The following RC3H2 variants were observed in gnomAD, a reference collection of about 807,000 sequenced individuals.
RC3H2 encodes the protein ring finger and CCCH-type domains 2.
RC3H2 carries 31 observed loss-of-function variants against 133.3 expected under a neutral mutation model. The ratio of observed to expected loss-of-function variants is 0.23; its 90% CI spans 0.17 to 0.31. RC3H2 has a LOEUF of 0.31. Among genes scored for constraint, RC3H2 ranks in the 10% least tolerant of loss-of-function variants. The pLI, the probability that RC3H2 is intolerant of heterozygous loss-of-function variation, is 1.00. For synonymous variants in RC3H2, 517 were observed against 502.2 expected, an observed-to-expected ratio of 1.03 and a Z score of -0.40; for missense variants, 1,175 against 1,437.2, an observed-to-expected ratio of 0.82 and a Z score of 2.95.
At chr9:122,889,182 TATA>T (rs1417102821) in intron 4 of RC3H2, among the ~76,000 whole-genome samples, 7 of 152,186 alleles carry the variant, frequency 4.6e-5, no homozygotes, top group African/African-American at 1.7e-4. Context: ...TTCATTTGCT[TATA>T]ATTTTTTTGT....
Position 122,897,511 on chromosome 9 carries a change from G to A in RC3H2, c.-2C>T, listed in dbSNP as rs768480008. The A allele has an allele frequency of 1.3e-5, 21 of 1,611,766 alleles. No homozygotes were observed. The South Asian group carries it at 2.3e-4, about 18-fold the overall frequency. ...CCATTGAGCTGCCTGCACAGGCATT[G>A]TGGAAGCTGGATGCTCGGGTTAGCA... On this transcript the variant is annotated 5_prime_UTR_variant, in exon 2 of 21. Coordinates refer to ENST00000357244, the MANE Select transcript of RC3H2 (RefSeq NM_001100588.3).
At chr9:122,900,358 C>T (rs1311194217) in intron 1 of RC3H2, among the ~76,000 whole-genome samples, 1 of 152,018 alleles carries the variant, frequency 6.6e-6, no homozygotes, top group African/African-American at 2.4e-5. Context: ...ATGTAAGAAA[C>T]GCTTTGATTT....
In RC3H2 at chr9:122,851,147, A is replaced by T; in HGVS notation, c.3314T>A (p.Val1105Glu). Residue 1105 changes from valine (V) to glutamate (E), a missense_variant, in exon 20 of 21, where the codon GTA becomes GAA. Transcript: ENST00000357244. Reference protein sequence around the residue: ...NGMAVENGHPVQQHQKEPPKQ... With the variant: ...NGMAVENGHPEQQHQKEPPKQ... ...TGGTGGCTCCTTTTGGTGCTGCTGT[A>T]CTGGATGCCCATTTTCCACTGCCAT... is the stretch of plus-strand genomic sequence containing the variant. 1.9e-6 allele frequency: 3 copies of T among 1,614,174 alleles called. No homozygotes were observed. Among genetic ancestry groups the T allele is most frequent in the Non-Finnish European group, 2.5e-6 (3 of 1,180,020 alleles).
intron 10 of RC3H2, among the ~76,000 whole-genome samples, chr9:122,863,424 T>C (rs372048548): frequency 2.8e-4 from 42 of 152,308 alleles, no homozygotes; most frequent in African/African-American, 9.6e-4. Context: ...AGCCTTCAGA[T>C]CTAAAAGACT....
chr9:122,868,873 G>A (rs866375172), intron 9 of RC3H2, among the ~76,000 whole-genome samples: 3 of 22,884 alleles, frequency 1.3e-4, no homozygotes, highest in East Asian at 4.3e-4. Flanking sequence ...GTGTGTGTGT[G>A]TGTGTGTGTG....
chr9:122,861,886 A>G (rs1830470299), intron 10 of RC3H2, among the ~76,000 whole-genome samples: 1 of 152,234 alleles, frequency 6.6e-6, no homozygotes, highest in South Asian at 2.1e-4. Flanking sequence ...GTAAGGGTTT[A>G]GAGTATAAAG....
At chr9:122,887,099 C>T (rs1456486903) in intron 4 of RC3H2, among the ~76,000 whole-genome samples, 1 of 152,148 alleles carries the variant, frequency 6.6e-6, no homozygotes, top group Admixed American at 6.5e-5. Flanking sequence ...TCCCCAGTAA[C>T]CTCTCGTCTA....
intron 9 of RC3H2, chr9:122,875,290 G>A: frequency 6.4e-7 from 1 of 1,550,628 alleles, no homozygotes; most frequent in Non-Finnish European, 8.7e-7. Context: ...GCTGCTTGTA[G>A]AGCTCATTAT....
At chr9:122,868,397 A>G (rs1448100687) in intron 9 of RC3H2, among the ~76,000 whole-genome samples, 2 of 152,110 alleles carry the variant, frequency 1.3e-5, no homozygotes, top group East Asian at 1.9e-4. Context: ...TTCTGTACTA[A>G]GAAAAATTCT....
At position 122,858,829 on chromosome 9, in the gene RC3H2, C is replaced by T. The variant is rs1260024004; in HGVS notation, c.2123G>A (p.Arg708Gln). 9 of 1,614,162 alleles carry T rather than the reference C, an allele frequency of 5.6e-6. No individual in the cohort carries two copies. Among genetic ancestry groups the T allele is most frequent in the East Asian group, 2.2e-5 (1 of 44,906 alleles). The change falls in exon 12 of 21, where the codon CGA (arginine) becomes CAA (glutamine). Residue 708 changes from arginine to glutamine, a missense_variant. Physicochemically the swap from Arg to Gln is conservative, Grantham distance 43 (BLOSUM62 1). This residue lies in a region of RC3H2 where 490 missense variants were observed against 492.8 expected (regional missense o/e 0.99). Transcript: ENST00000357244. ...RRIWRPPMYQ[R>Q]DDIIRSNSLP... ...AGAATTGCTTCTAATAATGTCATCT[C>T]GTTGGTACATAGGTGGGCGCCAGAT...
At chr9:122,891,676 C>T (rs377429026) in intron 3 of RC3H2, among the ~76,000 whole-genome samples, 1 of 152,204 alleles carries the variant, frequency 6.6e-6, no homozygotes, top group Non-Finnish European at 1.5e-5. Context: ...TCTCAGTCCA[C>T]GCTCTTTAGA....
At chr9:122,875,028 C>A in intron 9 of RC3H2, 1 of 832,848 alleles carries the variant, frequency 1.2e-6, no homozygotes, top group Non-Finnish European at 1.7e-6. Flanking sequence ...TTCTCAAAAG[C>A]TCCCCTTTTA....
At chr9:122,883,486 T>A in intron 4 of RC3H2, 107 bp from the exon 5 acceptor site, 1 of 709,162 alleles carries the variant, frequency 1.4e-6, no homozygotes, top group Admixed American at 3.4e-5. Context: ...CCATTACCCA[T>A]AATTTATATT....
chr9:122,851,614 A>G lies in RC3H2; in HGVS notation c.3118-178T>C, dbSNP rs541873956. ...CCTCCCTGCCTGATTCTCCTGCCTC[A>G]GCCTGCAGAGTGCCTGCAATTGCAG... On this transcript the variant is annotated intron_variant, in intron 18 of 20. Coordinates refer to ENST00000357244, the MANE Select transcript of RC3H2 (RefSeq NM_001100588.3). 2.4e-4 allele frequency: 196 copies of G among 804,496 alleles called. 1 individual carries two copies. Among genetic ancestry groups the G allele is most frequent in the Middle Eastern group, 2.3e-3 (6 of 2,568 alleles). The allele number at this position is 804,496 out of a possible 1,614,324, so 49.8% of individuals were successfully genotyped here.
chr9:122,852,983 G>A (rs953055210), intron 18 of RC3H2, among the ~76,000 whole-genome samples: 43 of 152,196 alleles, frequency 2.8e-4, no homozygotes, highest in Admixed American at 1.4e-3. Context: ...GATGGTAGCC[G>A]TGTCTGTGTA....
rs781587985 is a variant in RC3H2, at chr9:122,892,974, T to C, written c.284A>G (p.Tyr95Cys). The C allele has an allele frequency of 6.2e-7, 1 of 1,612,270 alleles. No homozygotes were observed. The highest frequency in any genetic ancestry group is 8.5e-7 in the Non-Finnish European group (1 of 1,179,862). Residue 95 changes from tyrosine to cysteine, a missense_variant, in exon 3 of 21, where the codon TAT (tyrosine) becomes TGT (cysteine). This residue lies in a region of RC3H2 where 30 missense variants were observed against 25.2 expected (regional missense o/e 1.19). Transcript: ENST00000357244. ...CTCAACGCATTTCTTTGCAACCTCA[T>C]AGTGTTTATTCTCACCTAGATTACT... ...KLSNLGENKH[Y>C]EVAKKCVEDL...
intron 18 of RC3H2, among the ~76,000 whole-genome samples, chr9:122,852,647 A>C (rs1257938551): frequency 1.5e-5 from 2 of 129,194 alleles, no homozygotes; most frequent in African/African-American, 6.0e-5. Context: ...GTCAGCTCCC[A>C]ACCCGGCCAG....
In RC3H2 at chr9:122,905,335, A is replaced by C. The variant is rs1292830149; in HGVS notation, c.-293T>G. On this transcript the variant is annotated 5_prime_UTR_variant, in exon 1 of 21. Transcript: ENST00000357244. ...CCGCCTCCTCCTCCTCCTCCTCCTC[A>C]CCACGGAGGCGGACCTGGAGGGATC... The C allele has an allele frequency of 5.3e-6, 5 of 948,158 alleles. No individual in the cohort carries two copies. The highest frequency in any genetic ancestry group is 3.6e-5 in the African/African-American group (2 of 56,138). The allele number at this position is 948,158 out of a possible 1,614,324, so 58.7% of individuals were successfully genotyped here.
rs972868366 is a variant in RC3H2 at position 122,861,793 on chromosome 9, C to T, written c.1635-1662G>A. On this transcript the variant is annotated intron_variant, in intron 10 of 20. Transcript: ENST00000357244. ...TTAAGTTTATCACAGATTAGTCTAG[C>T]AGATGTTTACTTCTATGTGTAACTG... Among the ~76,000 whole-genome samples the T allele has an allele frequency of 3.9e-5, 6 of 152,194 alleles. No individual in the cohort carries two copies. In the East Asian group the frequency reaches 1.2e-3, roughly 29 times the overall value.
Sources: gnomAD v4.1 joint callset for allele counts (sites outside exome capture counted in the v4.1 genomes callset) on GRCh38, gnomAD v4.1.1 for gene constraint, gnomAD v4.1.1 regional missense constraint, MANE v1.5 for transcripts, NCBI Gene and HGNC (gene_info 2026-07-23, HGNC 2026-07-21) for gene names.